The following CPLX3 variants were observed in gnomAD, a reference collection of about 807,000 sequenced individuals.
CPLX3 encodes complexin 3, also known as complexin-3.
In CPLX3, 12 loss-of-function variants were observed where a neutral mutation model predicts 17.2. The observed-to-expected ratio is 0.70, with a 90% CI of 0.45 to 1.13. The LOEUF is 1.13. CPLX3 is among the 50% of genes most tolerant of loss of function. The probability of loss-of-function intolerance (pLI) is 0.00; values close to 1 mark genes in which losing one functional copy is unlikely to be tolerated. For missense variants in CPLX3, 172 were observed against 203.2 expected (o/e 0.85, Z 0.93); for synonymous variants, 75 against 79.4 (o/e 0.94, Z 0.29).
chr15:74,828,998 G>C (rs1487723803), intron 2 of CPLX3, among the ~76,000 whole-genome samples: 1 of 152,178 alleles, frequency 6.6e-6, no homozygotes, highest in Admixed American at 6.5e-5. Context: ...AAACAGCACA[G>C]GGCTATAGCG....
intron 2 of CPLX3, among the ~76,000 whole-genome samples, chr15:74,829,218 C>T (rs1239782871): frequency 1.3e-5 from 2 of 152,126 alleles, no homozygotes; most frequent in East Asian, 1.9e-4. Context: ...CAGATGCTTG[C>T]GCTAGGCATA....
Position 74,830,389 on chromosome 15 carries a change from C to G in CPLX3, c.*35C>G, listed in dbSNP as rs761392286. On this transcript the variant is annotated 3_prime_UTR_variant, in exon 3 of 3. Coordinates refer to ENST00000395018, the MANE Select transcript of CPLX3 (RefSeq NM_001030005.3). ...CGGGGTTACCCACTGGGCTGGGCCC[C>G]CATGAGGGCTAAGAGTGTGTCAACT... 14 of 1,552,156 alleles carry G rather than the reference C, an allele frequency of 9.0e-6. No homozygotes were observed. In the South Asian group the frequency reaches 1.4e-4, roughly 15 times the overall value.
intron 2 of CPLX3, among the ~76,000 whole-genome samples, chr15:74,829,405 C>T (rs2141120975): frequency 1.3e-5 from 2 of 152,190 alleles, no homozygotes; most frequent in Middle Eastern, 3.4e-3. Context: ...ATCTAGCTCC[C>T]CAACATCCTG....
At position 74,828,133 on chromosome 15, in the gene CPLX3, C is replaced by T. The variant is rs1169659724; in HGVS notation, c.252+12C>T. On this transcript the variant is annotated intron_variant, in intron 2 of 2. Transcript: ENST00000395018. ...ACCGGCTACCCAAGGTAAGCTGGCCCCGGCTGTGAGGCACATCTGGGACCC... is the reference window on the plus strand; with the variant it reads ...ACCGGCTACCCAAGGTAAGCTGGCCTCGGCTGTGAGGCACATCTGGGACCC... The T allele has an allele frequency of 2.5e-6, 4 of 1,569,054 alleles. No individual in the cohort carries two copies. The highest frequency in any genetic ancestry group is 1.9e-5 in the Admixed American group (1 of 53,812).
Position 74,830,618 on chromosome 15 carries a change from C to T in CPLX3, c.*264C>T. On this transcript the variant is annotated 3_prime_UTR_variant, in exon 3 of 3. Transcript: ENST00000395018. The stretch of plus-strand genomic sequence containing the variant: ...CCAAGATTGTAGGAATAGGCCCATC[C>T]CTCTCTGGCCATGGCCCCAAGTTCC... 4.5e-6 allele frequency: 2 copies of T among 444,128 alleles called. No homozygotes were observed. Among genetic ancestry groups the T allele is most frequent in the Non-Finnish European group, 8.2e-6 (2 of 242,464 alleles). 27.5% of individuals were successfully genotyped at this position (444,128 alleles called of 1,614,324 possible).
At chr15:74,829,792 C>A (rs2063959842) in intron 2 of CPLX3, among the ~76,000 whole-genome samples, 1 of 152,078 alleles carries the variant, frequency 6.6e-6, no homozygotes, top group Admixed American at 6.6e-5. Context: ...ATAAAAAGGT[C>A]TCCATGTCCA....
chr15:74,829,998 CA>C (rs58349907), intron 2 of CPLX3, 131 bp from the exon 3 acceptor site: 97,098 of 490,428 alleles, frequency 0.2, 70 homozygotes, highest in South Asian at 0.23. Context: ...CTCGTCTCTA[CA>C]AAAAAAAAAA....
rs768169193 is a variant in CPLX3 at position 74,826,806 on chromosome 15, G to A, written c.103G>A (p.Glu35Lys). Residue 35 changes from glutamate (E) to lysine (K), a missense_variant, in exon 1 of 3, where the codon GAA becomes AAA. Transcript: ENST00000395018. This position sits in a 1 kb window ranked among gnomAD's most constrained non-coding sequence, Gnocchi z 5.0. Reference protein sequence around the residue: ...DKGDGDKSAAEAQGMSREEYE... With the variant: ...DKGDGDKSAAKAQGMSREEYE... ...GGGAGATGGGGACAAGTCGGCAGCC[G>A]AAGCTCAGGGCATGAGCCGGGAGGA... 5 of 1,603,552 alleles carry A rather than the reference G, an allele frequency of 3.1e-6. No individual in the cohort carries two copies. Among genetic ancestry groups the A allele is most frequent in the South Asian group, 1.1e-5 (1 of 90,298 alleles).
chr15:74,828,276 C>T (rs1170229472), intron 2 of CPLX3, among the ~76,000 whole-genome samples, 155 bp downstream of exon 2: 2 of 152,216 alleles, frequency 1.3e-5, no homozygotes, highest in Non-Finnish European at 2.9e-5. Context: ...TTTATTCATT[C>T]ACTCACTCGT....
chr15:74,829,272 G>T (rs2063957703), intron 2 of CPLX3, among the ~76,000 whole-genome samples: 1 of 152,142 alleles, frequency 6.6e-6, no homozygotes, highest in African/African-American at 2.4e-5. Context: ...GAGCAGAAGA[G>T]CCAAGACTTG....
Position 74,826,724 on chromosome 15 carries a change from C to T in CPLX3, c.21C>T (p.Thr7=), listed in dbSNP as rs1273072192. 3 of 1,611,372 alleles carry T rather than the reference C, an allele frequency of 1.9e-6. No homozygotes were observed. Among genetic ancestry groups the T allele is most frequent in the East Asian group, 2.3e-5 (1 of 44,240 alleles). The change falls in exon 1 of 3, where the codon ACC becomes ACT. Residue 7 remains threonine (T), a synonymous_variant. Transcript: ENST00000395018. This position sits in a 1 kb window ranked among gnomAD's most constrained non-coding sequence, Gnocchi z 5.0. Reference sequence around the variant, plus strand: ...AGACCATGGCGTTCATGGTGAAGACCATGGTGGGCGGCCAGCTGAAGAACC... The same window carrying T: ...AGACCATGGCGTTCATGGTGAAGACTATGGTGGGCGGCCAGCTGAAGAACC... MAFMVK[T]MVGGQLKNLT... is the part of the protein sequence containing the mutation.
chr15:74,828,064 G>A lies in CPLX3; in HGVS notation c.195G>A (p.Arg65=), dbSNP rs372975409. 1.4e-4 allele frequency: 223 copies of A among 1,608,334 alleles called. 4 individuals are homozygous for A. The South Asian group carries it at 2.4e-3, about 17-fold the overall frequency. The change falls in exon 2 of 3, where the codon AGG becomes AGA. Residue 65 remains arginine (R), a synonymous_variant. Transcript: ENST00000395018. ...AGCGGGATGCACAGTTCACACAGAG[G>A]AAGGCAGAGCGGGCCACACTGCGGA... The part of the protein sequence containing the change: ...KMERDAQFTQ[R]KAERATLRSH...
At chr15:74,830,040 A>C in intron 2 of CPLX3, 90 bp from the exon 3 acceptor site, 1 of 918,418 alleles carries the variant, frequency 1.1e-6, no homozygotes, top group Non-Finnish European at 1.7e-6. Context: ...GGGGCCTGGA[A>C]CCCAGTCCAA....
intron 2 of CPLX3, 53 bp from the exon 3 acceptor site, chr15:74,830,077 G>T: frequency 7.1e-7 from 1 of 1,401,988 alleles, no homozygotes; most frequent in South Asian, 1.2e-5. Flanking sequence ...CTCAACTCTG[G>T]GTCCTCACAG....
intron 1 of CPLX3, 64 bp from the exon 2 acceptor site, chr15:74,827,970 C>A: frequency 7.4e-7 from 1 of 1,350,036 alleles, no homozygotes; most frequent in Non-Finnish European, 1.0e-6. Context: ...TCTGTCCCTC[C>A]CTCGAAGACC....
At chr15:74,830,047 C>T in intron 2 of CPLX3, 83 bp from the exon 3 acceptor site, 1 of 1,054,158 alleles carries the variant, frequency 9.5e-7, no homozygotes, top group Non-Finnish European at 1.4e-6. Context: ...GGAACCCAGT[C>T]CAAGCCTCCT....
Position 74,826,917 on chromosome 15 carries a change from C to T in CPLX3, c.164+50C>T, listed in dbSNP as rs1247094765. ...CAACGACCTCCCCTCCCCACCCCCA[C>T]AGCTGCTCAGTCCATCCCCGGGCCA... On this transcript the variant is annotated intron_variant, in intron 1 of 2. Transcript: ENST00000395018. This position sits in a 1 kb window ranked among gnomAD's most constrained non-coding sequence, Gnocchi z 5.0. 9.2e-6 allele frequency: 14 copies of T among 1,527,012 alleles called. No homozygotes were observed. The highest frequency in any genetic ancestry group is 1.2e-5 in the Non-Finnish European group (14 of 1,121,252). The allele number at this position is 1,527,012 out of a possible 1,614,324, so 94.6% of individuals were successfully genotyped here. A position where few individuals can be genotyped will look rare whatever the true frequency, so the allele number is the denominator to read the frequency against.
At chr15:74,827,093 C>T (rs2063947008) in intron 1 of CPLX3, among the ~76,000 whole-genome samples, 1 of 151,986 alleles carries the variant, frequency 6.6e-6, no homozygotes, top group Non-Finnish European at 1.5e-5. Flanking sequence ...GGGGGAGGGG[C>T]GACCGGACGA....
chr15:74,826,969 T>C lies in CPLX3; in HGVS notation c.164+102T>C. 9.3e-7 allele frequency: 1 copy of C among 1,076,862 alleles called. No homozygotes were observed. Among genetic ancestry groups the C allele is most frequent in the Non-Finnish European group, 1.3e-6 (1 of 748,412 alleles). The allele number at this position is 1,076,862 out of a possible 1,614,324, so 66.7% of individuals were successfully genotyped here. On this transcript the variant is annotated intron_variant, in intron 1 of 2. Coordinates refer to ENST00000395018, the MANE Select transcript of CPLX3 (RefSeq NM_001030005.3). This position sits in a 1 kb window ranked among gnomAD's most constrained non-coding sequence, Gnocchi z 5.0. The stretch of plus-strand genomic sequence containing the variant: ...CCTCAGGTCCCAATCCCTTCTCCCC[T>C]ACTTTCCTAGACACGGTAAGAGACC...
Sources: allele counts gnomAD v4.1 joint callset (sites outside exome capture counted in the v4.1 genomes callset), GRCh38; gene constraint gnomAD v4.1.1; non-coding constraint Gnocchi (gnomAD v3.1); transcripts MANE v1.5; gene names NCBI Gene and HGNC (gene_info 2026-07-23, HGNC 2026-07-21).